DLG1: variants seen among roughly 807,000 people sequenced by gnomAD.
DLG1 encodes disks large homolog 1.
In DLG1, 42 loss-of-function variants were observed where a neutral mutation model predicts 123.4. That is an observed-to-expected ratio of 0.34 (90% CI 0.27 to 0.44). The LOEUF is 0.44. Ranked by LOEUF, DLG1 falls within the 20% of genes least tolerant of loss-of-function variation. The pLI is 1.00. For missense variants in DLG1, 942 were observed against 1,082.6 expected (o/e 0.87, Z 1.82); for synonymous variants, 317 against 356.2 (o/e 0.89, Z 1.24).
rs532380393 is a variant in DLG1 at position 197,107,494 on chromosome 3, G to A, written c.1444-2489C>T. On this transcript the variant is annotated intron_variant, in intron 13 of 24. Transcript: ENST00000667157. ...TGGGAGGCGGAGCTTGCAGTGAACA[G>A]AGATTGCGCCACTGCACTCCAGCCT... Among the ~76,000 whole-genome samples, 4 of 152,112 alleles carry A rather than the reference G, an allele frequency of 2.6e-5. No individual in the cohort carries two copies. The South Asian group carries it at 6.2e-4, about 24-fold the overall frequency.
intron 4 of DLG1, among the ~76,000 whole-genome samples, chr3:197,248,620 G>A (rs182995139): frequency 2.0e-4 from 31 of 152,304 alleles, no homozygotes; most frequent in Admixed American, 7.2e-4. Context: ...TATTCCTAAC[G>A]CCATTCCTGT....
intron 23 of DLG1, among the ~76,000 whole-genome samples, chr3:197,058,021 C>G (rs1179037422): frequency 6.6e-6 from 1 of 151,614 alleles, no homozygotes; most frequent in Admixed American, 6.6e-5. Context: ...GCTCTGTCAC[C>G]AGGCTGGAGT....
chr3:197,198,165 C>A (rs180944493), intron 4 of DLG1, among the ~76,000 whole-genome samples: 1 of 152,104 alleles, frequency 6.6e-6, no homozygotes, highest in East Asian at 1.9e-4. Flanking sequence ...TACTTTTGTT[C>A]ATCAAAAGCC....
Position 197,161,681 on chromosome 3 carries a change from C to G in DLG1, c.484-11885G>C, listed in dbSNP as rs781133340. Reference sequence around the variant, plus strand: ...AGGATGACAGTATTCTCAGCAGGGACTGGCAGGACAGGGATCACAGGGACA... The same window carrying G: ...AGGATGACAGTATTCTCAGCAGGGAGTGGCAGGACAGGGATCACAGGGACA... On this transcript the variant is annotated intron_variant, in intron 5 of 24. Coordinates refer to ENST00000667157, the MANE Select transcript of DLG1 (RefSeq NM_001366207.1). 56 of 1,575,382 alleles carry G rather than the reference C, an allele frequency of 3.6e-5. No individual in the cohort carries two copies. In the Middle Eastern group the frequency reaches 6.7e-4, roughly 19 times the overall value.
At chr3:197,251,930 T>TTGTTTGATTCACTTACCCAGTACA (rs1754635759) in intron 4 of DLG1, among the ~76,000 whole-genome samples, 1 of 152,224 alleles carries the variant, frequency 6.6e-6, no homozygotes, top group Admixed American at 6.5e-5. Context: ...GCCCAGTACA[T>TTGTTTGATTCACTTACCCAGTACA]GGTAAGATTC....
chr3:197,144,430 A>T (rs1312748178), intron 6 of DLG1, among the ~76,000 whole-genome samples: 3 of 152,174 alleles, frequency 2.0e-5, no homozygotes, highest in Non-Finnish European at 4.4e-5. Flanking sequence ...GAATAAGGCT[A>T]TTTGGACCTC....
chr3:197,071,280 T>C (rs566514185), intron 18 of DLG1, among the ~76,000 whole-genome samples: 1 of 152,332 alleles, frequency 6.6e-6, no homozygotes, highest in African/African-American at 2.4e-5. Flanking sequence ...AAATGTTCAG[T>C]TGACAATTAT....
At chr3:197,132,201 T>C (rs1782995963) in intron 10 of DLG1, among the ~76,000 whole-genome samples, 1 of 152,106 alleles carries the variant, frequency 6.6e-6, no homozygotes, top group South Asian at 2.1e-4. Context: ...TTACATCTTT[T>C]CTATTACCTA....
intron 4 of DLG1, among the ~76,000 whole-genome samples, chr3:197,213,547 A>T (rs553095879): frequency 3.9e-5 from 6 of 152,356 alleles, no homozygotes; most frequent in African/African-American, 1.4e-4. Context: ...ACACAGCTCA[A>T]TGAATGTAAA....
intron 3 of DLG1, among the ~76,000 whole-genome samples, chr3:197,284,243 T>C (rs1171717504): frequency 2.0e-5 from 3 of 151,892 alleles, no homozygotes; most frequent in Admixed American, 2.0e-4. Flanking sequence ...ACAGTGAGGA[T>C]AATATTAACC....
intron 22 of DLG1, among the ~76,000 whole-genome samples, chr3:197,062,621 G>C (rs945384061): frequency 9.9e-5 from 15 of 152,098 alleles, no homozygotes; most frequent in African/African-American, 3.4e-4. Context: ...GCAGCAAAAT[G>C]TTACAGGCTT....
intron 4 of DLG1, among the ~76,000 whole-genome samples, chr3:197,212,465 A>AG (rs1338143668): frequency 6.6e-6 from 1 of 152,236 alleles, no homozygotes; most frequent in Non-Finnish European, 1.5e-5. Flanking sequence ...ACAAGACTAC[A>AG]GGCAGAGTTA....
intron 3 of DLG1, among the ~76,000 whole-genome samples, chr3:197,284,844 T>C (rs937014137): frequency 6.6e-6 from 1 of 151,484 alleles, no homozygotes; most frequent in African/African-American, 2.4e-5. Flanking sequence ...TCATTTTCCA[T>C]TCATAATCTG....
At chr3:197,170,959 C>A (rs915443640) in intron 5 of DLG1, among the ~76,000 whole-genome samples, 1 of 152,128 alleles carries the variant, frequency 6.6e-6, no homozygotes, top group African/African-American at 2.4e-5. Context: ...ATTAGCAAAT[C>A]TTTTGGTACC....
chr3:197,259,696 G>C (rs1208248376), intron 4 of DLG1, among the ~76,000 whole-genome samples: 1 of 152,178 alleles, frequency 6.6e-6, no homozygotes, highest in Non-Finnish European at 1.5e-5. Flanking sequence ...ATTAAGTGAA[G>C]CATGCTGCAC....
Position 197,051,557 on chromosome 3 carries a change from T to C in DLG1, c.2575+20A>G. 3 of 1,598,428 alleles carry C rather than the reference T, an allele frequency of 1.9e-6. No individual in the cohort carries two copies. Among genetic ancestry groups the C allele is most frequent in the East Asian group, 2.2e-5 (1 of 44,810 alleles). ...AGCAAAATTCTATCTTAAAGAGGACTGTTACAACACGGTTCCAACCTGTGA... is the reference window on the plus strand; with the variant it reads ...AGCAAAATTCTATCTTAAAGAGGACCGTTACAACACGGTTCCAACCTGTGA... On this transcript the variant is annotated intron_variant, in intron 24 of 24. Coordinates refer to ENST00000667157, the MANE Select transcript of DLG1 (RefSeq NM_001366207.1).
rs1344640115 is a variant in DLG1 at position 197,105,154 on chromosome 3, A to G, written c.1444-149T>C. ...TTTCTTGTTCTGATTGACTAAAAAT[A>G]TATTGTGTAGTAAAACAAAATATTA... On this transcript the variant is annotated intron_variant, in intron 13 of 24. Coordinates refer to ENST00000667157, the MANE Select transcript of DLG1 (RefSeq NM_001366207.1). 19 of 536,388 alleles carry G rather than the reference A, an allele frequency of 3.5e-5. No homozygotes were observed. In the Admixed American group the frequency reaches 4.6e-4, roughly 13 times the overall value. 33.2% of individuals were successfully genotyped at this position (536,388 alleles called of 1,614,324 possible). A position where few individuals can be genotyped will look rare whatever the true frequency, so the allele number is the denominator to read the frequency against.
intron 5 of DLG1, among the ~76,000 whole-genome samples, chr3:197,168,317 T>A (rs1357445288): frequency 6.6e-6 from 1 of 152,240 alleles, no homozygotes; most frequent in African/African-American, 2.4e-5. Context: ...CAACGACGCA[T>A]CAACACACAC....
intron 23 of DLG1, among the ~76,000 whole-genome samples, chr3:197,056,714 T>C (rs1387564274): frequency 6.6e-6 from 1 of 152,240 alleles, no homozygotes; most frequent in African/African-American, 2.4e-5. Flanking sequence ...AAAAATCGTA[T>C]CATACAGCTT....
Sources: gnomAD v4.1 joint callset for allele counts (sites outside exome capture counted in the v4.1 genomes callset) on GRCh38, gnomAD v4.1.1 for gene constraint, MANE v1.5 for transcripts, NCBI Gene and HGNC (gene_info 2026-07-23, HGNC 2026-07-21) for gene names.